Variants in STK39 observed in about 807,000 individuals in gnomAD.
STK39 encodes serine/threonine kinase 39.
In STK39, 20 loss-of-function variants were observed where a neutral mutation model predicts 77.8. The ratio of observed to expected loss-of-function variants is 0.26; its 90% CI spans 0.18 to 0.37. STK39 has a LOEUF of 0.37. Among genes scored for constraint, STK39 ranks in the 10% least tolerant of loss-of-function variants. STK39 has a pLI of 1.00. For synonymous variants in STK39, 246 were observed against 234.1 expected (o/e 1.05, Z -0.47); for missense variants, 479 against 656.5 (o/e 0.73, Z 2.95).
Position 168,218,976 on chromosome 2 carries a change from T to C in STK39, c.208+28252A>G, listed in dbSNP as rs115709476. Among the ~76,000 whole-genome samples, 144 of 152,076 alleles carry C rather than the reference T, an allele frequency of 9.5e-4. 2 individuals are homozygous for C. The highest frequency in any genetic ancestry group is 3.4e-3 in the African/African-American group (140 of 41,364). On this transcript the variant is annotated intron_variant, in intron 1 of 17. Transcript: ENST00000355999. Reference sequence around the variant, plus strand: ...GCTACCAGACGAAATAAGCTATAATTATGCCCAAGCTGCTACATTACACAG... The same window carrying C: ...GCTACCAGACGAAATAAGCTATAATCATGCCCAAGCTGCTACATTACACAG...
chr2:168,159,064 TA>T lies in STK39; in HGVS notation c.628+2722del, dbSNP rs911504889. Among the ~76,000 whole-genome samples the T allele has an allele frequency of 5.3e-5, 8 of 151,336 alleles. No homozygotes were observed. In the East Asian group the frequency reaches 5.8e-4, roughly 11 times the overall value. Reference sequence around the variant, plus strand: ...CATATGTAAAAGTGAGTGTTTCCCCTAAAAAAAAACAAAAATCATTATGTTT... The same window carrying T: ...CATATGTAAAAGTGAGTGTTTCCCCTAAAAAAAACAAAAATCATTATGTTT... On this transcript the variant is annotated intron_variant, in intron 5 of 17. Transcript: ENST00000355999.
At chr2:168,171,255 C>T (rs957090080) in intron 2 of STK39, among the ~76,000 whole-genome samples, 3 of 152,112 alleles carry the variant, frequency 2.0e-5, no homozygotes, top group African/African-American at 7.2e-5. Flanking sequence ...CACAGCAGCA[C>T]CCCTCTGCAG....
Position 167,996,845 on chromosome 2 carries a change from G to A in STK39, c.1498+15789C>T, listed in dbSNP as rs185375575. 2.0e-5 allele frequency among the ~76,000 whole-genome samples: 3 copies of A among 152,132 alleles called. No individual in the cohort carries two copies. In the East Asian group the frequency reaches 5.8e-4, roughly 29 times the overall value. ...AGATCACCGACTAAGGAACTGCAGA[G>A]CAAAGGGTGAGCCTGAGGAGGACAA... On this transcript the variant is annotated intron_variant, in intron 16 of 17. Transcript: ENST00000355999.
chr2:168,029,460 T>C (rs1479790399), intron 14 of STK39, among the ~76,000 whole-genome samples: 2 of 152,212 alleles, frequency 1.3e-5, no homozygotes, highest in Non-Finnish European at 2.9e-5. Context: ...TCTTCAACCA[T>C]ATGGTGCAAA....
rs146970365 is a variant in STK39, at chr2:168,122,326, G to A, written c.1089+7215C>T. ...TTGTGCTAGTTTGCTTAGGATAATG[G>A]TCTCCACCTCCATCCATGTTGCTGC... On this transcript the variant is annotated intron_variant, in intron 10 of 17. Coordinates refer to ENST00000355999, the MANE Select transcript of STK39 (RefSeq NM_013233.3). Among the ~76,000 whole-genome samples the A allele has an allele frequency of 4.0e-4, 61 of 152,200 alleles. 1 individual carries two copies. The South Asian group carries it at 8.5e-3, about 21-fold the overall frequency.
intron 1 of STK39, among the ~76,000 whole-genome samples, chr2:168,207,520 T>G (rs1451648630): frequency 6.6e-6 from 1 of 152,214 alleles, no homozygotes; most frequent in Admixed American, 6.5e-5. Flanking sequence ...CACTGCCCTA[T>G]GGGATGTACT....
chr2:168,191,944 A>G (rs1689350613), intron 1 of STK39, among the ~76,000 whole-genome samples: 7 of 152,074 alleles, frequency 4.6e-5, no homozygotes. Context: ...GACTCTACAC[A>G]TTTAGGAGGA....
intron 16 of STK39, among the ~76,000 whole-genome samples, chr2:168,012,069 G>A (rs186542225): frequency 1.3e-5 from 2 of 151,926 alleles, no homozygotes; most frequent in African/African-American, 4.8e-5. Context: ...ATGGACTTTT[G>A]GGTCTTCTAA....
At chr2:168,247,056 A>G (rs1690931491) in intron 1 of STK39, among the ~76,000 whole-genome samples, 172 bp downstream of exon 1, 1 of 58,292 alleles carries the variant, frequency 1.7e-5, no homozygotes, top group Non-Finnish European at 4.2e-5. Context: ...AAATACATTA[A>G]AAATTAAAAA....
intron 5 of STK39, among the ~76,000 whole-genome samples, chr2:168,155,123 C>T (rs538119853): frequency 3.9e-5 from 6 of 152,096 alleles, no homozygotes; most frequent in Non-Finnish European, 8.8e-5. Flanking sequence ...TCAACCCTGT[C>T]CCCCCTGCAG....
intron 14 of STK39, among the ~76,000 whole-genome samples, chr2:168,018,286 G>T (rs1426340879): frequency 6.6e-6 from 1 of 152,008 alleles, no homozygotes; most frequent in East Asian, 1.9e-4. Context: ...GATCACTTGA[G>T]GTTAGGAGTT....
rs563262288 is a variant in STK39, at chr2:168,235,943, G to T, written c.208+11285C>A. On this transcript the variant is annotated intron_variant, in intron 1 of 17. Coordinates refer to ENST00000355999, the MANE Select transcript of STK39 (RefSeq NM_013233.3). ...TGTGCATGTGTCTTTATAGCAGAAT[G>T]ATTTATAATCCTTTGGGTATATACC... Among the ~76,000 whole-genome samples, 506 of 152,138 alleles carry T rather than the reference G, an allele frequency of 3.3e-3. 2 individuals are homozygous for T. The highest frequency in any genetic ancestry group is 6.8e-3 in the Middle Eastern group (2 of 294).
intron 1 of STK39, among the ~76,000 whole-genome samples, chr2:168,184,555 A>G (rs1008121167): frequency 6.6e-6 from 1 of 152,174 alleles, no homozygotes; most frequent in African/African-American, 2.4e-5. Flanking sequence ...TATGAATGAG[A>G]AAACAGGGTC....
rs1687812408 is a variant in STK39, at chr2:168,135,682, T to TCAA, written c.974+2403_974+2405dup. Reference sequence around the variant, plus strand: ...AATTGCATCCTATCTAAAAAGTAATTCAACAATGTTGCTTTTTTCCATTCT... The same window carrying TCAA: ...AATTGCATCCTATCTAAAAAGTAATTCAACAACAATGTTGCTTTTTTCCATTCT... On this transcript the variant is annotated intron_variant, in intron 8 of 17. Transcript: ENST00000355999. Among the ~76,000 whole-genome samples, 3 of 152,216 alleles carry TCAA rather than the reference T, an allele frequency of 2.0e-5. No homozygotes were observed. In the South Asian group the frequency reaches 6.2e-4, roughly 32 times the overall value.
In STK39 at chr2:168,075,189, C is replaced by T. The variant is rs759384781; in HGVS notation, c.1132G>A (p.Glu378Lys). The change falls in exon 11 of 18, where the codon GAA (glutamate) becomes AAA (lysine). Residue 378 changes from glutamate (E) to lysine (K), a missense_variant. By Grantham distance (56) the Glu-to-Lys change is moderately conservative. Around this residue, in one of 3 missense-constraint regions of STK39, gnomAD observed 244 missense variants for 296.8 expected, o/e 0.82. Coordinates refer to ENST00000355999, the MANE Select transcript of STK39 (RefSeq NM_013233.3). The stretch of plus-strand genomic sequence containing the variant: ...TCACTCCACTCCCAGTCCCCGTCTT[C>T]GGTTTTATGAAGGTGACCACTTGAC... Reference protein sequence around the residue: ...PGSSGHLHKTEDGDWEWSDDE... With the variant: ...PGSSGHLHKTKDGDWEWSDDE... 31 of 1,614,012 alleles carry T rather than the reference C, an allele frequency of 1.9e-5. No individual in the cohort carries two copies. The highest frequency in any genetic ancestry group is 6.7e-5 in the Admixed American group (4 of 59,996).
At chr2:168,105,479 T>C (rs1686945170) in intron 10 of STK39, among the ~76,000 whole-genome samples, 1 of 152,170 alleles carries the variant, frequency 6.6e-6, no homozygotes, top group African/African-American at 2.4e-5. Context: ...CTTCAGAAAA[T>C]TCCCACAGTG....
At chr2:168,217,027 G>A (rs1690042139) in intron 1 of STK39, among the ~76,000 whole-genome samples, 1 of 152,216 alleles carries the variant, frequency 6.6e-6, no homozygotes, top group Non-Finnish European at 1.5e-5. Context: ...GTTGGGAAAA[G>A]AAGACTGCTC....
chr2:168,173,481 G>T (rs1168948403), intron 2 of STK39, among the ~76,000 whole-genome samples: 1 of 152,132 alleles, frequency 6.6e-6, no homozygotes, highest in African/African-American at 2.4e-5. Flanking sequence ...CAAGGTCTTA[G>T]AAGAGCAATG....
chr2:168,099,202 C>A (rs1176848162), intron 10 of STK39, among the ~76,000 whole-genome samples: 1 of 152,178 alleles, frequency 6.6e-6, no homozygotes, highest in Admixed American at 6.5e-5. Flanking sequence ...CCAAGAGAGA[C>A]AATAATAAAA....
Sources: gnomAD v4.1 joint callset for allele counts (sites outside exome capture counted in the v4.1 genomes callset) on GRCh38, gnomAD v4.1.1 for gene constraint, gnomAD v4.1.1 regional missense constraint, MANE v1.5 for transcripts, NCBI Gene and HGNC (gene_info 2026-07-23, HGNC 2026-07-21) for gene names.